Variants in HECW2 observed in about 807,000 individuals in gnomAD.
HECW2 encodes the protein E3 ubiquitin-protein ligase HECW2.
In HECW2, 61 loss-of-function variants were observed where a neutral mutation model predicts 175.2. The observed-to-expected ratio is 0.35, with a 90% CI of 0.28 to 0.43. The LOEUF is 0.43. Ranked by LOEUF, HECW2 falls within the 20% of genes least tolerant of loss-of-function variation. The pLI, the probability that HECW2 is intolerant of heterozygous loss-of-function variation, is 1.00. For synonymous variants in HECW2, 671 were observed against 731.0 expected, an observed-to-expected ratio of 0.92 and a Z score of 1.32; for missense variants, 1,524 against 2,000.5, an observed-to-expected ratio of 0.76 and a Z score of 4.54.
intron 1 of HECW2, among the ~76,000 whole-genome samples, chr2:196,440,967 T>A (rs1696023801): frequency 6.6e-6 from 1 of 152,206 alleles, no homozygotes; most frequent in Admixed American, 6.5e-5. Flanking sequence ...CTCTCCCAGA[T>A]AAAAGACATC....
rs980571517 is a variant in HECW2, at chr2:196,198,670, A to G, written c.*2607T>C. 1 of 152,214 alleles carries G rather than the reference A, an allele frequency of 6.6e-6. No homozygotes were observed. The highest frequency in any genetic ancestry group is 1.5e-5 in the Non-Finnish European group (1 of 68,038). 9.4% of individuals were successfully genotyped at this position (152,214 alleles called of 1,614,324 possible). A position where few individuals can be genotyped will look rare whatever the true frequency, so the allele number is the denominator to read the frequency against. Reference sequence around the variant, plus strand: ...TATAAAGAGCATCACTTAAAATAAGACCAGAAAGCCTAGTTATCTGGGTTC... The same window carrying G: ...TATAAAGAGCATCACTTAAAATAAGGCCAGAAAGCCTAGTTATCTGGGTTC... On this transcript the variant is annotated 3_prime_UTR_variant, in exon 29 of 29. Coordinates refer to ENST00000644978, the MANE Select transcript of HECW2 (RefSeq NM_001348768.2).
intron 1 of HECW2, among the ~76,000 whole-genome samples, chr2:196,492,706 A>G (rs1004280563): frequency 2.6e-5 from 4 of 152,068 alleles, no homozygotes; most frequent in South Asian, 4.1e-4. Context: ...ATTTGGGGGG[A>G]AAAAAACTGT....
chr2:196,241,531 GGGAGGA>G (rs1410258896), intron 20 of HECW2, among the ~76,000 whole-genome samples: 1 of 152,222 alleles, frequency 6.6e-6, no homozygotes, highest in African/African-American at 2.4e-5. Flanking sequence ...GGTGAAGGCA[GGGAGGA>G]GAGAAAGAAG....
intron 1 of HECW2, among the ~76,000 whole-genome samples, chr2:196,513,935 A>G (rs1261529202): frequency 6.6e-6 from 1 of 152,230 alleles, no homozygotes; most frequent in African/African-American, 2.4e-5. Flanking sequence ...AGCCACTGCC[A>G]TGACGCTGGT....
intron 16 of HECW2, among the ~76,000 whole-genome samples, chr2:196,272,765 A>G (rs979078919): frequency 9.9e-5 from 15 of 152,196 alleles, no homozygotes; most frequent in Non-Finnish European, 1.8e-4. Context: ...TAATGAAGAC[A>G]CTTGGATAAT....
chr2:196,554,973 C>G (rs1689744360), intron 1 of HECW2, among the ~76,000 whole-genome samples: 2 of 152,154 alleles, frequency 1.3e-5, no homozygotes, highest in Admixed American at 1.3e-4. Context: ...ACAGTTGGGT[C>G]CAGACTGTGC....
intron 1 of HECW2, among the ~76,000 whole-genome samples, chr2:196,476,348 C>A (rs1686614198): frequency 6.6e-6 from 1 of 151,376 alleles, no homozygotes; most frequent in African/African-American, 2.4e-5. Context: ...GTCGCTGAGG[C>A]ACTAGAATCA....
chr2:196,564,762 C>T (rs187028907), intron 1 of HECW2, among the ~76,000 whole-genome samples: 1 of 152,126 alleles, frequency 6.6e-6, no homozygotes, highest in East Asian at 1.9e-4. Flanking sequence ...CTCATGCCTC[C>T]TACTTAACTT....
At chr2:196,488,629 T>TACACACAC (rs139434140) in intron 1 of HECW2, among the ~76,000 whole-genome samples, 9 of 147,182 alleles carry the variant, frequency 6.1e-5, no homozygotes, top group African/African-American at 1.2e-4. Flanking sequence ...GAAGAATGAA[T>TACACACAC]ACACACACAC....
chr2:196,568,639 C>A (rs1348912129), intron 1 of HECW2, among the ~76,000 whole-genome samples: 1 of 152,184 alleles, frequency 6.6e-6, no homozygotes, highest in African/African-American at 2.4e-5. Context: ...AGATTCTGAA[C>A]TCTGATCTTT....
At chr2:196,580,497 C>A (rs1275734481) in intron 1 of HECW2, among the ~76,000 whole-genome samples, 1 of 152,050 alleles carries the variant, frequency 6.6e-6, no homozygotes, top group Admixed American at 6.6e-5. Flanking sequence ...AAAGACAACT[C>A]TATTTTTTAA....
intron 2 of HECW2, among the ~76,000 whole-genome samples, chr2:196,395,931 C>T (rs748006984): frequency 7.2e-5 from 11 of 152,048 alleles, no homozygotes; most frequent in Non-Finnish European, 1.2e-4. Context: ...TGTATGCCCA[C>T]GTTCATAGGA....
At chr2:196,578,957 A>G (rs1333439893) in intron 1 of HECW2, among the ~76,000 whole-genome samples, 1 of 152,174 alleles carries the variant, frequency 6.6e-6, no homozygotes, top group Admixed American at 6.5e-5. Context: ...ATATATTTAT[A>G]TTTATAACCC....
intron 13 of HECW2, among the ~76,000 whole-genome samples, chr2:196,303,889 T>C (rs1691162498): frequency 6.6e-6 from 1 of 152,144 alleles, no homozygotes; most frequent in African/African-American, 2.4e-5. Context: ...AAGAATGTCA[T>C]CTCTGTCTTC....
intron 14 of HECW2, among the ~76,000 whole-genome samples, chr2:196,282,896 G>T (rs1318900809): frequency 6.6e-6 from 1 of 152,086 alleles, no homozygotes; most frequent in African/African-American, 2.4e-5. Context: ...GAGAGGAGGG[G>T]TCCATTCAGA....
At chr2:196,551,550 T>C (rs948550671) in intron 1 of HECW2, among the ~76,000 whole-genome samples, 1 of 152,172 alleles carries the variant, frequency 6.6e-6, no homozygotes, top group Admixed American at 6.5e-5. Flanking sequence ...AGATGATAAT[T>C]CAAAATATAC....
chr2:196,591,505 TAATC>T (rs1305267847), intron 1 of HECW2, among the ~76,000 whole-genome samples: 3 of 152,232 alleles, frequency 2.0e-5, no homozygotes, highest in African/African-American at 7.2e-5. Flanking sequence ...GCCAATGAAA[TAATC>T]AAAACAAATA....
Position 196,334,518 on chromosome 2 carries a change from G to C in HECW2, c.401C>G (p.Pro134Arg), listed in dbSNP as rs745762497. 5.7e-6 allele frequency: 9 copies of C among 1,589,998 alleles called. No homozygotes were observed. The highest frequency in any genetic ancestry group is 6.9e-6 in the Non-Finnish European group (8 of 1,166,832). ...RIEPGPYFME[P>R]EIKICFKYYH... is the part of the protein sequence containing the mutation. ...ATATTTAAAACAGATTTTTATCTCC[G>C]CTGCAAAGCAATTGGAGAAAACAGT... Residue 134 changes from proline to arginine, a missense_variant and splice_region_variant, in exon 4 of 29, where the codon CCG becomes CGG. This residue lies in a region of HECW2 where 135 missense variants were observed against 214.6 expected (regional missense o/e 0.63). Transcript: ENST00000644978.
chr2:196,248,765 G>A (rs969972716), intron 19 of HECW2, among the ~76,000 whole-genome samples: 1 of 152,170 alleles, frequency 6.6e-6, no homozygotes, highest in South Asian at 2.1e-4. Context: ...TGTGGTGGGA[G>A]AAAGAAAACG....
Sources: gnomAD v4.1 joint callset for allele counts (sites outside exome capture counted in the v4.1 genomes callset) on GRCh38, gnomAD v4.1.1 for gene constraint, gnomAD v4.1.1 regional missense constraint, MANE v1.5 for transcripts, NCBI Gene and HGNC (gene_info 2026-07-23, HGNC 2026-07-21) for gene names.